Variants in P2RX3 observed in about 807,000 individuals in gnomAD.
The protein encoded by P2RX3 is purinergic receptor P2X 3.
A neutral mutation model predicts 51.5 loss-of-function variants in P2RX3; 41 were observed. The observed-to-expected ratio is 0.80, with a 90% CI of 0.62 to 1.03. The LOEUF (loss-of-function observed/expected upper bound fraction) is 1.03. P2RX3 is among the 50% of genes least tolerant of loss of function. P2RX3 has a pLI of 0.00. For synonymous variants in P2RX3, 185 were observed against 191.6 expected (o/e 0.97, Z 0.29); for missense variants, 459 against 522.1 (o/e 0.88, Z 1.18).
At position 57,357,590 on chromosome 11, in the gene P2RX3, A is replaced by G. The variant is rs1856650584; in HGVS notation, c.842+6692A>G. On this transcript the variant is annotated intron_variant, in intron 8 of 11. Transcript: ENST00000263314. The stretch of plus-strand genomic sequence containing the variant: ...GCTCTCAGGTACATCTTCTGGCTCC[A>G]GGTCCATTGATCTTTCCCTACCTTA... 2.6e-5 allele frequency among the ~76,000 whole-genome samples: 4 copies of G among 152,246 alleles called. No individual in the cohort carries two copies. In the South Asian group the frequency reaches 8.3e-4, roughly 32 times the overall value.
chr11:57,358,623 TG>T (rs920781737), intron 8 of P2RX3, among the ~76,000 whole-genome samples: 1 of 152,114 alleles, frequency 6.6e-6, no homozygotes, highest in African/African-American at 2.4e-5. Context: ...TAAAATGGGC[TG>T]GTTAAAGATG....
At chr11:57,354,177 G>A (rs746695044) in intron 8 of P2RX3, among the ~76,000 whole-genome samples, 7 of 152,122 alleles carry the variant, frequency 4.6e-5, no homozygotes, top group Non-Finnish European at 8.8e-5. Context: ...GAGCCAAAAT[G>A]TGCCTCCCTT....
rs1452329425 is a variant in P2RX3, at chr11:57,348,153, T to C, written c.392-17T>C. The C allele has an allele frequency of 9.0e-6, 14 of 1,558,558 alleles. No homozygotes were observed. Among genetic ancestry groups the C allele is most frequent in the South Asian group, 8.2e-5 (7 of 84,960 alleles). On this transcript the variant is annotated splice_polypyrimidine_tract_variant and intron_variant, in intron 4 of 11. Transcript: ENST00000263314. Reference sequence around the variant, plus strand: ...AAAGGGCAGGCAGCCACCCAGCAGCTGTGGCTCTCACTTTAGGGATCCTCA... The same window carrying C: ...AAAGGGCAGGCAGCCACCCAGCAGCCGTGGCTCTCACTTTAGGGATCCTCA...
At chr11:57,360,140 G>A (rs1024997892) in intron 8 of P2RX3, among the ~76,000 whole-genome samples, 3 of 152,192 alleles carry the variant, frequency 2.0e-5, no homozygotes, top group Admixed American at 6.5e-5. Flanking sequence ...AGGTGTGGAA[G>A]CCTCTAGCCT....
rs1022445273 is a variant in P2RX3, at chr11:57,338,481, C to T, written c.-70C>T. The stretch of plus-strand genomic sequence containing the variant: ...CAGGTCGTGATCTCGTCTCCCTGTC[C>T]TGTAGGACCTCCCTCTCCTGAGGCC... On this transcript the variant is annotated 5_prime_UTR_variant, in exon 1 of 12. Transcript: ENST00000263314. The T allele has an allele frequency of 1.8e-5, 20 of 1,090,202 alleles. No individual in the cohort carries two copies. The highest frequency in any genetic ancestry group is 5.2e-5 in the Admixed American group (3 of 57,338). 67.5% of individuals were successfully genotyped at this position (1,090,202 alleles called of 1,614,324 possible). A position where few individuals can be genotyped will look rare whatever the true frequency, so the allele number is the denominator to read the frequency against.
chr11:57,366,914 C>T (rs1047380554), intron 8 of P2RX3, among the ~76,000 whole-genome samples: 8 of 152,180 alleles, frequency 5.3e-5, no homozygotes, highest in East Asian at 3.9e-4. Flanking sequence ...GGGCAGAGCC[C>T]GCAGGGTCCA....
chr11:57,346,208 G>C (rs954292538), intron 1 of P2RX3, among the ~76,000 whole-genome samples: 1 of 152,174 alleles, frequency 6.6e-6, no homozygotes, highest in African/African-American at 2.4e-5. Flanking sequence ...CCCCAAGGAG[G>C]TGAAAATTGG....
intron 8 of P2RX3, among the ~76,000 whole-genome samples, chr11:57,359,591 G>A (rs1019951006): frequency 6.6e-6 from 1 of 152,212 alleles, no homozygotes; most frequent in Admixed American, 6.5e-5. Flanking sequence ...TCTTTCCTCT[G>A]ATGCCTATGG....
In P2RX3 at chr11:57,370,105, C is replaced by A; in HGVS notation, c.*108C>A. Reference sequence around the variant, plus strand: ...AAGAGGGGCTCTCATTTCTGCTGCTCATTCCATGAGCATAGCTGGGACCCA... The same window carrying A: ...AAGAGGGGCTCTCATTTCTGCTGCTAATTCCATGAGCATAGCTGGGACCCA... On this transcript the variant is annotated 3_prime_UTR_variant, in exon 12 of 12. Transcript: ENST00000263314. 1.3e-6 allele frequency: 1 copy of A among 788,398 alleles called. No homozygotes were observed. Among genetic ancestry groups the A allele is most frequent in the South Asian group, 1.7e-5 (1 of 59,264 alleles). The allele number at this position is 788,398 out of a possible 1,614,324, so 48.8% of individuals were successfully genotyped here.
At chr11:57,346,929 G>A (rs186418532) in intron 2 of P2RX3, among the ~76,000 whole-genome samples, 187 bp from the exon 3 acceptor site, 7 of 152,324 alleles carry the variant, frequency 4.6e-5, no homozygotes, top group Non-Finnish European at 8.8e-5. Flanking sequence ...AACACACATG[G>A]GAGAAGGGGG....
chr11:57,362,416 G>C (rs576760740), intron 8 of P2RX3, among the ~76,000 whole-genome samples: 1 of 152,178 alleles, frequency 6.6e-6, no homozygotes, highest in Admixed American at 6.5e-5. Context: ...GAAAATCAAG[G>C]CTTGGGCATG....
chr11:57,345,373 G>A (rs1856412431), intron 1 of P2RX3, among the ~76,000 whole-genome samples: 1 of 152,072 alleles, frequency 6.6e-6, no homozygotes, highest in Non-Finnish European at 1.5e-5. Flanking sequence ...AAATAAGATT[G>A]GGAGACAGTG....
At chr11:57,362,857 C>T (rs1856742288) in intron 8 of P2RX3, among the ~76,000 whole-genome samples, 1 of 152,170 alleles carries the variant, frequency 6.6e-6, no homozygotes, top group Non-Finnish European at 1.5e-5. Context: ...TGTCGGGTCA[C>T]AGAGGAGTAC....
At chr11:57,354,933 A>G (rs965767734) in intron 8 of P2RX3, among the ~76,000 whole-genome samples, 3 of 152,216 alleles carry the variant, frequency 2.0e-5, no homozygotes, top group Non-Finnish European at 2.9e-5. Flanking sequence ...AGGGCCAGAA[A>G]CAGGACACTG....
intron 8 of P2RX3, among the ~76,000 whole-genome samples, chr11:57,354,747 G>A (rs1363638665): frequency 2.0e-5 from 3 of 152,068 alleles, no homozygotes; most frequent in African/African-American, 7.2e-5. Flanking sequence ...GTGTGTGTGT[G>A]CGTGAGTGTA....
intron 1 of P2RX3, among the ~76,000 whole-genome samples, chr11:57,343,478 C>T (rs1856378386): frequency 6.6e-6 from 1 of 152,190 alleles, no homozygotes. Context: ...AGCACGTTGT[C>T]TGGTTAGAGC....
At chr11:57,368,152 C>T (rs760338763) in intron 9 of P2RX3, 50 bp downstream of exon 9, 3 of 1,566,760 alleles carry the variant, frequency 1.9e-6, no homozygotes, top group Admixed American at 1.7e-5. Flanking sequence ...GCAGCCCAGA[C>T]CACCTCTCGG....
In P2RX3 at chr11:57,369,991, C is replaced by G; in HGVS notation, c.1188C>G (p.Gly396=). The change falls in exon 12 of 12, where the codon GGC becomes GGG. Residue 396 remains glycine, a synonymous_variant. Transcript: ENST00000263314. ...CCGATTCGGGGGCCTTCTCCATAGGCCACTAGGGCCTCTTTCCAGGGCCCC... is the reference window on the plus strand; with the variant it reads ...CCGATTCGGGGGCCTTCTCCATAGGGCACTAGGGCCTCTTTCCAGGGCCCC... ...QSTDSGAFSI[G]H is the part of the protein sequence containing the mutation. 6.2e-7 allele frequency: 1 copy of G among 1,608,846 alleles called. No homozygotes were observed. The highest frequency in any genetic ancestry group is 8.5e-7 in the Non-Finnish European group (1 of 1,175,610).
At chr11:57,337,866 G>A (rs200481950), upstream of P2RX3, among the ~76,000 whole-genome samples, 4 of 152,326 alleles carry the variant, frequency 2.6e-5, no homozygotes, top group Non-Finnish European at 4.4e-5. Flanking sequence ...CAAAAAAGAC[G>A]TGCTAACTGC....
Sources: gnomAD v4.1 joint callset for allele counts (sites outside exome capture counted in the v4.1 genomes callset) on GRCh38, gnomAD v4.1.1 for gene constraint, MANE v1.5 for transcripts, NCBI Gene and HGNC (gene_info 2026-07-23, HGNC 2026-07-21) for gene names.